Variants in ATP8A2 observed in about 807,000 individuals in gnomAD.
The protein encoded by ATP8A2 is phospholipid-transporting ATPase IB.
Under a neutral mutation model 165.6 loss-of-function variants are expected in ATP8A2, and 100 were observed. The observed-to-expected ratio is 0.60, with a 90% CI of 0.51 to 0.71. ATP8A2 has a LOEUF of 0.71. Among genes scored for constraint, ATP8A2 ranks in the 30% least tolerant of loss-of-function variants. The probability of loss-of-function intolerance (pLI) is 0.00; values close to 1 mark genes in which losing one functional copy is unlikely to be tolerated. For synonymous variants in ATP8A2, 543 were observed against 548.8 expected, an observed-to-expected ratio of 0.99 and a Z score of 0.15; for missense variants, 1,227 against 1,479.5, an observed-to-expected ratio of 0.83 and a Z score of 2.80.
chr13:25,641,093 T>C (rs1342612316), intron 24 of ATP8A2, among the ~76,000 whole-genome samples: 1 of 152,188 alleles, frequency 6.6e-6, no homozygotes, highest in African/African-American at 2.4e-5. Context: ...TAGGTATTGA[T>C]GGGATGTATC....
At chr13:25,905,955 A>G (rs7319558) in intron 33 of ATP8A2, among the ~76,000 whole-genome samples, 121,338 of 152,116 alleles carry the variant, frequency 0.8, 48,444 homozygotes, top group East Asian at 0.93. Context: ...TTCTTTGTCT[A>G]TACTCCTCAA....
intron 33 of ATP8A2, among the ~76,000 whole-genome samples, chr13:25,905,063 C>T (rs557976725): frequency 6.6e-6 from 1 of 151,938 alleles, no homozygotes; most frequent in Admixed American, 6.6e-5. Flanking sequence ...TGTGCCCAGC[C>T]TGGGCCCTTG....
intron 1 of ATP8A2, among the ~76,000 whole-genome samples, chr13:25,444,811 A>G (rs747254068): frequency 3.3e-5 from 5 of 151,942 alleles, no homozygotes; most frequent in Non-Finnish European, 7.4e-5. Context: ...AGAACTGGCT[A>G]ATTTTTGTAT....
chr13:25,797,710 AATGGG>A (rs1322767161), intron 27 of ATP8A2, among the ~76,000 whole-genome samples: 1 of 152,182 alleles, frequency 6.6e-6, no homozygotes, highest in East Asian at 1.9e-4. Context: ...TTGTTCATTT[AATGGG>A]ATGACTGTTA....
chr13:25,885,114 T>TC (rs1190593845), intron 33 of ATP8A2, among the ~76,000 whole-genome samples: 3 of 145,294 alleles, frequency 2.1e-5, no homozygotes, highest in Admixed American at 6.9e-5. Flanking sequence ...GCTTTTTTTT[T>TC]TTTTTTTTTT....
intron 25 of ATP8A2, among the ~76,000 whole-genome samples, chr13:25,763,601 A>G (rs2044429786): frequency 6.6e-6 from 1 of 151,786 alleles, no homozygotes; most frequent in Non-Finnish European, 1.5e-5. Flanking sequence ...TGCCCTCCCA[A>G]CCCCAAATTC....
intron 29 of ATP8A2, among the ~76,000 whole-genome samples, chr13:25,837,565 G>A (rs547877725): frequency 1.6e-4 from 24 of 151,812 alleles, no homozygotes; most frequent in African/African-American, 5.6e-4. Flanking sequence ...ACTCCTTCCC[G>A]CTTCTCCCCG....
At chr13:26,009,794 A>T (rs1336003892) in intron 35 of ATP8A2, among the ~76,000 whole-genome samples, 1 of 152,212 alleles carries the variant, frequency 6.6e-6, no homozygotes, top group Non-Finnish European at 1.5e-5. Context: ...GGCTGAGCAC[A>T]GTGGCTCATG....
intron 35 of ATP8A2, among the ~76,000 whole-genome samples, chr13:26,002,791 T>C (rs531801940): frequency 6.6e-6 from 1 of 152,158 alleles, no homozygotes; most frequent in Admixed American, 6.6e-5. Flanking sequence ...GTCCTCTTGG[T>C]TTATCCATGT....
At chr13:25,625,784 A>G (rs1459419489) in intron 24 of ATP8A2, among the ~76,000 whole-genome samples, 1 of 152,218 alleles carries the variant, frequency 6.6e-6, no homozygotes, top group African/African-American at 2.4e-5. Context: ...ACCAAAAGGC[A>G]TAATTGGTGT....
chr13:25,903,048 G>C (rs896416480), intron 33 of ATP8A2, among the ~76,000 whole-genome samples: 1 of 151,854 alleles, frequency 6.6e-6, no homozygotes, highest in Non-Finnish European at 1.5e-5. Flanking sequence ...CCTGGGAGGC[G>C]GAGGTTGCAG....
At chr13:25,421,510 C>T (rs9507514) in intron 1 of ATP8A2, among the ~76,000 whole-genome samples, 64,389 of 152,002 alleles carry the variant, frequency 0.42, 14,424 homozygotes, top group East Asian at 0.6. Flanking sequence ...ATTTTTAAAA[C>T]TTTTTGTAGA....
At chr13:25,975,536 C>G (rs189194252) in intron 35 of ATP8A2, among the ~76,000 whole-genome samples, 1 of 151,672 alleles carries the variant, frequency 6.6e-6, no homozygotes, top group Non-Finnish European at 1.5e-5. Flanking sequence ...GAGCCGAGAT[C>G]GCGCCACTGC....
At chr13:25,685,076 C>G (rs1483903968) in intron 24 of ATP8A2, among the ~76,000 whole-genome samples, 1 of 152,142 alleles carries the variant, frequency 6.6e-6, no homozygotes, top group Non-Finnish European at 1.5e-5. Flanking sequence ...CTTGTGGTTC[C>G]TCCCCAACCC....
At chr13:25,868,691 A>G (rs641730) in intron 33 of ATP8A2, among the ~76,000 whole-genome samples, 63,310 of 151,912 alleles carry the variant, frequency 0.42, 13,415 homozygotes, top group Admixed American at 0.47. Context: ...TGCTGCACCT[A>G]TGACTGTTGT....
rs555517481 is a variant in ATP8A2 at position 25,451,876 on chromosome 13, A to C, written c.77-17101A>C. 3.4e-5 allele frequency among the ~76,000 whole-genome samples: 5 copies of C among 146,118 alleles called. No individual in the cohort carries two copies. The East Asian group carries it at 1.0e-3, about 29-fold the overall frequency. Reference sequence around the variant, plus strand: ...GGTTTTTTTTTTTTCTTTTTTTGAGATGGAGTCTCACTCTTTTGCCCAGGC... The same window carrying C: ...GGTTTTTTTTTTTTCTTTTTTTGAGCTGGAGTCTCACTCTTTTGCCCAGGC... On this transcript the variant is annotated intron_variant, in intron 1 of 36. Coordinates refer to ENST00000381655, the MANE Select transcript of ATP8A2 (RefSeq NM_016529.6).
intron 24 of ATP8A2, among the ~76,000 whole-genome samples, chr13:25,669,446 T>TC (rs1193972131): frequency 1.3e-5 from 2 of 152,216 alleles, no homozygotes; most frequent in Non-Finnish European, 1.5e-5. Context: ...CCTAAGTCAT[T>TC]CCCTCAATGC....
intron 27 of ATP8A2, among the ~76,000 whole-genome samples, chr13:25,813,112 T>G (rs1304587318): frequency 6.6e-6 from 1 of 152,162 alleles, no homozygotes; most frequent in African/African-American, 2.4e-5. Context: ...CACGCTGGAC[T>G]TAATGCCTAG....
Position 25,750,751 on chromosome 13 carries a change from C to T in ATP8A2, c.2385-18295C>T, listed in dbSNP as rs367567672. Among the ~76,000 whole-genome samples the T allele has an allele frequency of 6.6e-6, 1 of 152,126 alleles. No homozygotes were observed. The highest frequency in any genetic ancestry group is 1.9e-4 in the East Asian group (1 of 5,188). On this transcript the variant is annotated intron_variant, in intron 25 of 36. Coordinates refer to ENST00000381655, the MANE Select transcript of ATP8A2 (RefSeq NM_016529.6). This position sits in a 1 kb window ranked among gnomAD's most constrained non-coding sequence, Gnocchi z 4.3. ...ATCAAAAAGCTTGCGAAGAAAAGTC[C>T]TCTTCTGCTCGATGTATACAAAACT...
Sources: gnomAD v4.1 joint callset for allele counts (sites outside exome capture counted in the v4.1 genomes callset) on GRCh38, gnomAD v4.1.1 for gene constraint, Gnocchi (gnomAD v3.1) non-coding constraint, MANE v1.5 for transcripts, NCBI Gene and HGNC (gene_info 2026-07-23, HGNC 2026-07-21) for gene names.